Variants in ASAP2 observed in about 807,000 individuals in gnomAD.
The protein encoded by ASAP2 is arf-GAP with SH3 domain, ANK repeat and PH domain-containing protein 2.
ASAP2 carries 45 observed loss-of-function variants against 131.4 expected under a neutral mutation model. That is an observed-to-expected ratio of 0.34 (90% CI 0.27 to 0.44). The LOEUF (loss-of-function observed/expected upper bound fraction) is 0.44. ASAP2 is among the 20% of genes least tolerant of loss of function. The pLI, the probability that ASAP2 is intolerant of heterozygous loss-of-function variation, is 1.00. For missense variants in ASAP2, 1,011 were observed against 1,297.0 expected (o/e 0.78, Z 3.39); for synonymous variants, 510 against 503.0 (o/e 1.01, Z -0.19).
At chr2:9,317,075 T>C (rs1669739008) in intron 3 of ASAP2, among the ~76,000 whole-genome samples, 1 of 129,204 alleles carries the variant, frequency 7.7e-6, no homozygotes, top group Non-Finnish European at 1.7e-5. Flanking sequence ...CCACACAAAA[T>C]CACATCCACA....
intron 1 of ASAP2, among the ~76,000 whole-genome samples, chr2:9,254,254 T>TATATAC (rs1553297027): frequency 0.018 from 1,170 of 65,654 alleles, 178 homozygotes; most frequent in African/African-American, 0.079. Flanking sequence ...TATATATATA[T>TATATAC]ACACGTGTGT....
intron 3 of ASAP2, among the ~76,000 whole-genome samples, chr2:9,308,282 G>T (rs1669079640): frequency 6.6e-6 from 1 of 152,182 alleles, no homozygotes; most frequent in Admixed American, 6.5e-5. Flanking sequence ...CCAGCACTTC[G>T]CATGGCCGTG....
At position 9,380,728 on chromosome 2, in the gene ASAP2, C is replaced by T; in HGVS notation, c.1949-13C>T. On this transcript the variant is annotated splice_polypyrimidine_tract_variant and intron_variant, in intron 19 of 27. Coordinates refer to ENST00000281419, the MANE Select transcript of ASAP2 (RefSeq NM_003887.3). ...TTGCCTTAACGCCTCCTTTGCTCGC[C>T]CTTGAATTTTAGCAAACGAGTCAGG... The T allele has an allele frequency of 6.2e-7, 1 of 1,614,078 alleles. No individual in the cohort carries two copies. The highest frequency in any genetic ancestry group is 8.5e-7 in the Non-Finnish European group (1 of 1,179,988).
At position 9,350,878 on chromosome 2, in the gene ASAP2, G is replaced by A. The variant is rs1185030325; in HGVS notation, c.1094G>A (p.Cys365Tyr). ...AAGACCAACCCTGAGGAGAAGAAGT[G>A]CTTTGACCTCATTTCACGTAAGGCT... Reference protein sequence around the residue: ...QVKTNPEEKKCFDLISHDRTY... With the variant: ...QVKTNPEEKKYFDLISHDRTY... The change falls in exon 12 of 28, where the codon TGC becomes TAC. Residue 365 changes from cysteine to tyrosine, a missense_variant. Cys to Tyr is a radical substitution (Grantham distance 194, BLOSUM62 -2). This residue lies in a region of ASAP2 where 359 missense variants were observed against 598.1 expected (regional missense o/e 0.60). Coordinates refer to ENST00000281419, the MANE Select transcript of ASAP2 (RefSeq NM_003887.3). The A allele has an allele frequency of 6.2e-7, 1 of 1,612,236 alleles. No individual in the cohort carries two copies. The highest frequency in any genetic ancestry group is 2.2e-5 in the East Asian group (1 of 44,880).
At position 9,404,467 on chromosome 2, in the gene ASAP2, A is replaced by G. The variant is rs760619146; in HGVS notation, c.*1140A>G. On this transcript the variant is annotated 3_prime_UTR_variant, in exon 28 of 28. Transcript: ENST00000281419. Reference sequence around the variant, plus strand: ...GTGGTAGTAGAGGATTAGGTTGTCTATTATAAAACCAAAACTCATTCGTTT... The same window carrying G: ...GTGGTAGTAGAGGATTAGGTTGTCTGTTATAAAACCAAAACTCATTCGTTT... The G allele has an allele frequency of 2.6e-5, 4 of 152,352 alleles. No homozygotes were observed. The highest frequency in any genetic ancestry group is 5.9e-5 in the Non-Finnish European group (4 of 68,034). The allele number at this position is 152,352 out of a possible 1,614,324, so 9.4% of individuals were successfully genotyped here. A position where few individuals can be genotyped will look rare whatever the true frequency, so the allele number is the denominator to read the frequency against.
At chr2:9,317,009 CCA>C (rs1669729894) in intron 3 of ASAP2, among the ~76,000 whole-genome samples, 1 of 142,428 alleles carries the variant, frequency 7.0e-6, no homozygotes, top group South Asian at 2.2e-4. Context: ...ACTCTCACAA[CCA>C]CACTCACACA....
At chr2:9,272,947 A>G (rs941066300) in intron 1 of ASAP2, among the ~76,000 whole-genome samples, 17 of 152,170 alleles carry the variant, frequency 1.1e-4, no homozygotes, top group African/African-American at 4.1e-4. Context: ...TTTGGCTACT[A>G]TAGCTCTATA....
intron 12 of ASAP2, among the ~76,000 whole-genome samples, chr2:9,352,966 C>A (rs1672449848): frequency 6.6e-6 from 1 of 152,166 alleles, no homozygotes; most frequent in Non-Finnish European, 1.5e-5. Flanking sequence ...AATTCTTCAT[C>A]CTCAGTGAGT....
chr2:9,269,913 C>G (rs557766424), intron 1 of ASAP2, among the ~76,000 whole-genome samples: 1 of 152,180 alleles, frequency 6.6e-6, no homozygotes, highest in African/African-American at 2.4e-5. Context: ...ACACTGTCCC[C>G]GTCCCCTGTC....
At chr2:9,259,140 C>T (rs1462436643) in intron 1 of ASAP2, among the ~76,000 whole-genome samples, 1 of 152,222 alleles carries the variant, frequency 6.6e-6, no homozygotes, top group East Asian at 1.9e-4. Context: ...GGGAGCCCTT[C>T]CCCTCGCTTC....
chr2:9,298,421 G>A lies in ASAP2; in HGVS notation c.345+976G>A, dbSNP rs377691011. On this transcript the variant is annotated intron_variant, in intron 3 of 27. Transcript: ENST00000281419. ...ACTCGGGCCCTTGCTCTTTCTCCCC[G>A]TCTTCACTTATGAACATTTCTGTAG... is the stretch of plus-strand genomic sequence containing the variant. Among the ~76,000 whole-genome samples the A allele has an allele frequency of 1.2e-3, 184 of 152,290 alleles. 4 individuals carry two copies. Among genetic ancestry groups the A allele is most frequent in the Middle Eastern group, 0.01 (3 of 294 alleles).
intron 3 of ASAP2, among the ~76,000 whole-genome samples, chr2:9,314,742 T>C (rs1044299303): frequency 1.3e-5 from 2 of 152,138 alleles, no homozygotes; most frequent in East Asian, 1.9e-4. Flanking sequence ...GAGACCAGCC[T>C]GACCAACATG....
At chr2:9,322,043 C>T (rs574722495) in intron 5 of ASAP2, among the ~76,000 whole-genome samples, 2 of 152,276 alleles carry the variant, frequency 1.3e-5, no homozygotes, top group Middle Eastern at 3.4e-3. Context: ...CGGTCTCTTG[C>T]CTGTGAAGGA....
intron 1 of ASAP2, among the ~76,000 whole-genome samples, chr2:9,252,370 C>G (rs1409126493): frequency 1.3e-5 from 2 of 151,656 alleles, no homozygotes; most frequent in Non-Finnish European, 2.9e-5. Context: ...CACTTTTGGC[C>G]AGGAGTTCAA....
At chr2:9,328,716 A>G (rs1394128724) in intron 7 of ASAP2, among the ~76,000 whole-genome samples, 3 of 152,108 alleles carry the variant, frequency 2.0e-5, no homozygotes, top group Non-Finnish European at 4.4e-5. Flanking sequence ...AGTCACTGAT[A>G]TAGACAGGCC....
chr2:9,286,770 C>T (rs951555761), intron 2 of ASAP2, among the ~76,000 whole-genome samples: 12 of 152,016 alleles, frequency 7.9e-5, no homozygotes, highest in Admixed American at 3.9e-4. Context: ...TATACAGCAA[C>T]AGGAAGAGAA....
At chr2:9,333,722 C>A (rs1357691359) in intron 7 of ASAP2, among the ~76,000 whole-genome samples, 1 of 152,136 alleles carries the variant, frequency 6.6e-6, no homozygotes, top group Non-Finnish European at 1.5e-5. Context: ...AGAACTTTCT[C>A]CTTAGCTCGT....
intron 20 of ASAP2, among the ~76,000 whole-genome samples, chr2:9,382,027 A>G (rs113273568): frequency 2.0e-3 from 263 of 129,398 alleles, no homozygotes; most frequent in African/African-American, 7.4e-3. Context: ...TCTGTCACCC[A>G]GGCTGGAGTG....
In ASAP2 at chr2:9,344,639, C is replaced by T. The variant is rs1324926969; in HGVS notation, c.953+4C>T. ...GCCTCTACAAGAAGAGTGACGGGTA[C>T]GTGAGGGGGTGTGGCTAGAGTTTAA... On this transcript the variant is annotated splice_donor_region_variant and intron_variant, in intron 10 of 27. Coordinates refer to ENST00000281419, the MANE Select transcript of ASAP2 (RefSeq NM_003887.3). 25 of 1,613,590 alleles carry T rather than the reference C, an allele frequency of 1.5e-5. No individual in the cohort carries two copies. The highest frequency in any genetic ancestry group is 2.7e-5 in the African/African-American group (2 of 74,872).
Sources: gnomAD v4.1 joint callset for allele counts (sites outside exome capture counted in the v4.1 genomes callset) on GRCh38, gnomAD v4.1.1 for gene constraint, gnomAD v4.1.1 regional missense constraint, MANE v1.5 for transcripts, NCBI Gene and HGNC (gene_info 2026-07-23, HGNC 2026-07-21) for gene names.